VPS8: variants seen among roughly 807,000 people sequenced by gnomAD.
VPS8 encodes vacuolar protein sorting-associated protein 8 homolog.
VPS8 carries 129 observed loss-of-function variants against 216.4 expected under a neutral mutation model. The ratio of observed to expected loss-of-function variants is 0.60; its 90% confidence interval spans 0.52 to 0.69. The LOEUF (loss-of-function observed/expected upper bound fraction) is 0.69, where lower values mean the gene tolerates loss of function less well. Ranked by LOEUF, VPS8 falls within the 30% of genes least tolerant of loss-of-function variation. The probability of loss-of-function intolerance (pLI) is 0.00; values close to 1 mark genes in which losing one functional copy is unlikely to be tolerated. For missense variants in VPS8, 1,531 were observed against 1,683.5 expected (o/e 0.91, Z 1.59); for synonymous variants, 571 against 565.4 (o/e 1.01, Z -0.14).
chr3:184,932,041 A>G (rs1225216415), intron 34 of VPS8, among the ~76,000 whole-genome samples: 1 of 152,152 alleles, frequency 6.6e-6, no homozygotes, highest in East Asian at 1.9e-4. Flanking sequence ...ACTTTTGCTG[A>G]CTAGTTTTTC....
chr3:184,820,754 TGGGAAG>T (rs1464896657), intron 1 of VPS8, among the ~76,000 whole-genome samples: 1 of 152,174 alleles, frequency 6.6e-6, no homozygotes, highest in Non-Finnish European at 1.5e-5. Context: ...AAGAGGAACT[TGGGAAG>T]GGGACATAGT....
intron 28 of VPS8, among the ~76,000 whole-genome samples, chr3:184,917,389 T>C (rs1236098093): frequency 6.6e-6 from 1 of 152,168 alleles, no homozygotes; most frequent in Non-Finnish European, 1.5e-5. Context: ...ATAAAAAATT[T>C]GGACTTCCTT....
At chr3:184,832,141 A>G (rs1720129507) in intron 3 of VPS8, among the ~76,000 whole-genome samples, 1 of 152,132 alleles carries the variant, frequency 6.6e-6, no homozygotes, top group African/African-American at 2.4e-5. Context: ...TTCTAGGGTC[A>G]TCTCCAACTT....
intron 3 of VPS8, among the ~76,000 whole-genome samples, chr3:184,829,418 G>A (rs1719517821): frequency 6.6e-6 from 1 of 152,174 alleles, no homozygotes; most frequent in Admixed American, 6.5e-5. Flanking sequence ...GTTTTGCTAT[G>A]TTGGCCAGGC....
rs73885617 is a variant in VPS8 at position 184,910,897 on chromosome 3, A to G, written c.2147-2622A>G. On this transcript the variant is annotated intron_variant, in intron 25 of 47. Coordinates refer to ENST00000625842, the MANE Select transcript of VPS8 (RefSeq NM_001009921.3). ...TCCTCAGCAACTCTTTGGTATCTTC[A>G]GGTAGTTACTTTCTGTATGATGTCC... Among the ~76,000 whole-genome samples, 377 of 152,288 alleles carry G rather than the reference A, an allele frequency of 2.5e-3. 1 individual carries two copies. The highest frequency in any genetic ancestry group is 8.5e-3 in the African/African-American group (355 of 41,562).
intron 34 of VPS8, among the ~76,000 whole-genome samples, chr3:184,935,147 G>A (rs554122173): frequency 8.4e-4 from 127 of 151,894 alleles, no homozygotes; most frequent in African/African-American, 2.6e-3. Flanking sequence ...GGGCAACATA[G>A]CAAGACCCCG....
chr3:184,993,982 G>T lies in VPS8; in HGVS notation c.3586-1G>T, dbSNP rs866610461. 1 of 1,548,478 alleles carries T rather than the reference G, an allele frequency of 6.5e-7. No homozygotes were observed. Among genetic ancestry groups the T allele is most frequent in the South Asian group, 1.3e-5 (1 of 78,984 alleles). On this transcript the variant is annotated splice_acceptor_variant, in intron 42 of 47. Transcript: ENST00000625842. LOFTEE classifies it high-confidence loss of function. ...ACAGAATTGTAATTTTTTCCGATTA[G>T]GATCCAGTTTATGGAAAAGGAAAAC...
At chr3:185,036,680 C>T (rs945359031) in intron 46 of VPS8, among the ~76,000 whole-genome samples, 35 of 150,928 alleles carry the variant, frequency 2.3e-4, no homozygotes, top group Admixed American at 4.0e-4. Flanking sequence ...TATATATATA[C>T]TCCTATATAG....
chr3:185,013,573 C>T (rs770036735), intron 45 of VPS8, among the ~76,000 whole-genome samples: 11 of 152,112 alleles, frequency 7.2e-5, no homozygotes, highest in African/African-American at 1.2e-4. Flanking sequence ...TTGCAATAGC[C>T]GAAGACAAGT....
intron 47 of VPS8, among the ~76,000 whole-genome samples, chr3:185,049,738 C>G (rs967520566): frequency 6.6e-6 from 1 of 152,150 alleles, no homozygotes; most frequent in Non-Finnish European, 1.5e-5. Flanking sequence ...GAGCTTGTCT[C>G]GAGCTTGTGC....
chr3:184,932,238 G>T (rs1478319633), intron 34 of VPS8, among the ~76,000 whole-genome samples: 1 of 152,036 alleles, frequency 6.6e-6, no homozygotes, highest in African/African-American at 2.4e-5. Context: ...ATAGCTTAGT[G>T]GTTCTTAACA....
rs1394833022 is a variant in VPS8 at position 184,914,982 on chromosome 3, T to C, written c.2191T>C (p.Cys731Arg). Reference protein sequence around the residue: ...MGNKLLVYISCCLAGRAYPLG... With the variant: ...MGNKLLVYISRCLAGRAYPLG... ...TCCATTCTCATTCTTTTCTTCTAGCTGTTGTCTAGCAGGTCGTGCCTATCC... is the reference window on the plus strand; with the variant it reads ...TCCATTCTCATTCTTTTCTTCTAGCCGTTGTCTAGCAGGTCGTGCCTATCC... Residue 731 changes from cysteine (C) to arginine (R), a missense_variant and splice_region_variant, in exon 27 of 48, where the codon TGT (cysteine) becomes CGT (arginine). Physicochemically the swap from Cys to Arg is radical, Grantham distance 180. Around this residue, in one of 3 missense-constraint regions of VPS8, gnomAD observed 1,318 missense variants for 1,468.4 expected, o/e 0.90. Coordinates refer to ENST00000625842, the MANE Select transcript of VPS8 (RefSeq NM_001009921.3). The C allele has an allele frequency of 1.9e-6, 3 of 1,613,796 alleles. No homozygotes were observed. Among genetic ancestry groups the C allele is most frequent in the Non-Finnish European group, 2.5e-6 (3 of 1,179,798 alleles).
At chr3:184,938,895 TG>T (rs1450462621) in intron 35 of VPS8, among the ~76,000 whole-genome samples, 1 of 151,764 alleles carries the variant, frequency 6.6e-6, no homozygotes, top group African/African-American at 2.4e-5. Context: ...CTGGACATGG[TG>T]GTGGGTGCCT....
intron 42 of VPS8, among the ~76,000 whole-genome samples, chr3:184,986,737 A>G (rs1422336122): frequency 6.6e-6 from 1 of 152,228 alleles, no homozygotes; most frequent in Non-Finnish European, 1.5e-5. Context: ...TTACACAACC[A>G]GGCCTTTCAT....
intron 40 of VPS8, among the ~76,000 whole-genome samples, chr3:184,982,179 A>G (rs569596212): frequency 1.3e-5 from 2 of 152,280 alleles, no homozygotes; most frequent in South Asian, 4.1e-4. Context: ...CAATAGTGTT[A>G]TTTTAAACTT....
intron 36 of VPS8, among the ~76,000 whole-genome samples, chr3:184,954,947 G>A (rs1576970030): frequency 6.6e-6 from 1 of 152,146 alleles, no homozygotes; most frequent in African/African-American, 2.4e-5. Flanking sequence ...TAACCGGTGG[G>A]TATAGGGTCA....
chr3:184,971,723 T>G lies in VPS8; in HGVS notation c.3391T>G (p.Ser1131Ala). Residue 1131 changes from serine (S) to alanine (A), a missense_variant, in exon 40 of 48, where the codon TCA becomes GCA. Ser to Ala is a moderately conservative substitution (Grantham distance 99). This residue lies in a region of VPS8 where 1,318 missense variants were observed against 1,468.4 expected (regional missense o/e 0.90). Coordinates refer to ENST00000625842, the MANE Select transcript of VPS8 (RefSeq NM_001009921.3). ...VETIALCQRN[S>A]HNLNQQQREA... Reference sequence around the variant, plus strand: ...GACCATTGCTCTTTGCCAGAGAAATTCACATAATTTGAACCAGCAGCAACG... The same window carrying G: ...GACCATTGCTCTTTGCCAGAGAAATGCACATAATTTGAACCAGCAGCAACG... 6.2e-7 allele frequency: 1 copy of G among 1,613,292 alleles called. No homozygotes were observed. The highest frequency in any genetic ancestry group is 1.3e-5 in the African/African-American group (1 of 75,024).
rs182352053 is a variant in VPS8 at position 184,942,641 on chromosome 3, C to T, written c.3035+2398C>T. ...TCTGCCTCCAAAGTATCAAAGACCGCGTGTTCTGCTTTGAGAGTCCTGATT... is the reference window on the plus strand; with the variant it reads ...TCTGCCTCCAAAGTATCAAAGACCGTGTGTTCTGCTTTGAGAGTCCTGATT... On this transcript the variant is annotated intron_variant, in intron 36 of 47. Coordinates refer to ENST00000625842, the MANE Select transcript of VPS8 (RefSeq NM_001009921.3). Among the ~76,000 whole-genome samples, 199 of 152,182 alleles carry T rather than the reference C, an allele frequency of 1.3e-3. 1 individual carries two copies. Among genetic ancestry groups the T allele is most frequent in the Non-Finnish European group, 3.2e-4 (22 of 68,006 alleles).
chr3:184,988,243 TCAAGGTTACC>T (rs1352951172), intron 42 of VPS8, among the ~76,000 whole-genome samples: 7 of 152,224 alleles, frequency 4.6e-5, no homozygotes, highest in Non-Finnish European at 1.0e-4. Flanking sequence ...ATCACCAAAC[TCAAGGTTACC>T]CAGATTTTTC....
Sources: allele counts gnomAD v4.1 joint callset (sites outside exome capture counted in the v4.1 genomes callset), GRCh38; gene constraint gnomAD v4.1.1; regional missense constraint gnomAD v4.1.1; transcripts MANE v1.5; gene names NCBI Gene and HGNC (gene_info 2026-07-23, HGNC 2026-07-21).